GSN: variants seen among roughly 807,000 people sequenced by gnomAD.
The protein encoded by GSN is gelsolin, also known as actin-depolymerizing factor.
In GSN, 56 loss-of-function variants were observed where a neutral mutation model predicts 85.7. That is an observed-to-expected ratio of 0.65 (90% CI 0.53 to 0.82). GSN has a LOEUF of 0.82. Ranked by LOEUF, GSN falls within the 40% of genes least tolerant of loss-of-function variation. The pLI is 0.00. For synonymous variants in GSN, 373 were observed against 399.1 expected (o/e 0.93, Z 0.78); for missense variants, 857 against 979.8 (o/e 0.87, Z 1.67).
At chr9:121,293,578 G>A (rs551200276) in intron 2 of GSN, among the ~76,000 whole-genome samples, 13 of 151,530 alleles carry the variant, frequency 8.6e-5, no homozygotes, top group African/African-American at 2.9e-4. Context: ...GTAAAACCCC[G>A]TCTCTACTAA....
At chr9:121,256,416 A>G (rs1028776478) in intron 6 of GSN, among the ~76,000 whole-genome samples, 1 of 152,220 alleles carries the variant, frequency 6.6e-6, no homozygotes, top group Non-Finnish European at 1.5e-5. Flanking sequence ...GTTAAGTGAA[A>G]TAAGCCAGGC....
intron 13 of GSN, 90 bp downstream of exon 13, chr9:121,326,772 C>T (rs2133882676): frequency 8.7e-7 from 1 of 1,154,388 alleles, no homozygotes; most frequent in South Asian, 1.2e-5. Flanking sequence ...GGAACGGGGG[C>T]AGGGGATGGT....
chr9:121,289,397 G>T (rs2058467096), intron 2 of GSN, among the ~76,000 whole-genome samples: 1 of 152,130 alleles, frequency 6.6e-6, no homozygotes, highest in Admixed American at 6.5e-5. Flanking sequence ...TGAAAGCCGG[G>T]TAATTTTCCT....
At chr9:121,251,065 A>G (rs2054820104) in intron 6 of GSN, among the ~76,000 whole-genome samples, 2 of 151,162 alleles carry the variant, frequency 1.3e-5, no homozygotes, top group African/African-American at 2.4e-5. Context: ...AGCTCTAGCT[A>G]TCCTCCTGCC....
chr9:121,321,219 G>A, intron 10 of GSN, 49 bp from the exon 11 acceptor site: 1 of 1,603,710 alleles, frequency 6.2e-7, no homozygotes, highest in Non-Finnish European at 8.5e-7. Context: ...TGCCTGAGCT[G>A]GGGGGTGGGG....
intron 4 of GSN, among the ~76,000 whole-genome samples, chr9:121,226,095 C>T (rs1333747355): frequency 2.6e-5 from 4 of 152,200 alleles, no homozygotes; most frequent in African/African-American, 4.8e-5. Context: ...TGAGCCACTG[C>T]GCCCGGCAGA....
At chr9:121,242,992 A>C (rs139745482) in intron 5 of GSN, among the ~76,000 whole-genome samples, 1 of 152,200 alleles carries the variant, frequency 6.6e-6, no homozygotes, top group Non-Finnish European at 1.5e-5. Context: ...TGGAGGGTAC[A>C]TTAGTTTCCT....
chr9:121,329,944 T>TGG lies in GSN; in HGVS notation c.1965+629_1965+630insGG, dbSNP rs1462630642. Among the ~76,000 whole-genome samples, 1 of 152,208 alleles carries TGG rather than the reference T, an allele frequency of 6.6e-6. No individual in the cohort carries two copies. The highest frequency in any genetic ancestry group is 2.4e-5 in the African/African-American group (1 of 41,436). On this transcript the variant is annotated intron_variant, in intron 16 of 17. Transcript: ENST00000432226. The surrounding 1 kb of genome is among the most constrained non-coding windows in gnomAD (Gnocchi z 4.6). ...CACAGGGGTGTCAGGTCAGTCACCT[T>TGG]TCCTATCAAGGTGGCTTCTCCCAGA...
intron 3 of GSN, 76 bp downstream of exon 3, chr9:121,302,243 G>A (rs2059960646): frequency 2.0e-6 from 3 of 1,490,656 alleles, no homozygotes; most frequent in South Asian, 1.1e-5. Context: ...TGGTCCCCAG[G>A]GAGGGAACTG....
chr9:121,318,627 G>A lies in GSN; in HGVS notation c.976-38G>A. On this transcript the variant is annotated intron_variant, in intron 9 of 17. Coordinates refer to ENST00000432226, the MANE Select transcript of GSN (RefSeq NM_198252.3). This position sits in a 1 kb window ranked among gnomAD's most constrained non-coding sequence, Gnocchi z 4.3. ...CTCCCCTGGGGACCCCTGCTGGGCA[G>A]CCCAGCCACATCCTGCTCCTCTGCC... is the stretch of plus-strand genomic sequence containing the variant. 1 of 1,553,648 alleles carries A rather than the reference G, an allele frequency of 6.4e-7. No individual in the cohort carries two copies. Among genetic ancestry groups the A allele is most frequent in the East Asian group, 2.2e-5 (1 of 44,496 alleles).
chr9:121,224,886 A>G (rs2054244842), intron 4 of GSN, among the ~76,000 whole-genome samples: 1 of 152,176 alleles, frequency 6.6e-6, no homozygotes, highest in Admixed American at 6.5e-5. Flanking sequence ...CAGCACAATC[A>G]TGGCTCACTG....
At chr9:121,306,352 GTT>G (rs1386845295) in intron 4 of GSN, among the ~76,000 whole-genome samples, 1 of 152,192 alleles carries the variant, frequency 6.6e-6, no homozygotes, top group African/African-American at 2.4e-5. Context: ...TTTAGAAACA[GTT>G]TAACTTTTGT....
At position 121,234,742 on chromosome 9, in the gene GSN, G is replaced by C. The variant is rs547127455; in HGVS notation, c.-389+3439G>C. ...CTCATACCTGTAATCCGAGCACTTTGGGAGGCCAAGGCTGGAAGATCGCTT... is the reference window on the plus strand; with the variant it reads ...CTCATACCTGTAATCCGAGCACTTTCGGAGGCCAAGGCTGGAAGATCGCTT... On this transcript the variant is annotated intron_variant, in intron 5 of 24. Transcript: ENST00000373823. 3.3e-5 allele frequency among the ~76,000 whole-genome samples: 5 copies of C among 152,340 alleles called. No individual in the cohort carries two copies. The South Asian group carries it at 1.0e-3, about 32-fold the overall frequency.
chr9:121,211,334 A>C (rs2053964783), intron 4 of GSN, among the ~76,000 whole-genome samples: 1 of 152,234 alleles, frequency 6.6e-6, no homozygotes, highest in African/African-American at 2.4e-5. Context: ...TATTATCTAT[A>C]TTTTACCACA....
intron 12 of GSN, 74 bp downstream of exon 12, chr9:121,324,718 C>T: frequency 1.3e-6 from 1 of 750,228 alleles, no homozygotes; most frequent in Non-Finnish European, 2.3e-6. Flanking sequence ...GTCTGACTCT[C>T]ATCCATCCAT....
At chr9:121,254,667 C>G (rs911588346) in intron 6 of GSN, among the ~76,000 whole-genome samples, 14 of 152,208 alleles carry the variant, frequency 9.2e-5, no homozygotes, top group Non-Finnish European at 1.9e-4. Context: ...AATTCTTCTG[C>G]TAGCCCTTTT....
intron 2 of GSN, chr9:121,282,635 A>G (rs2057525466): frequency 1.6e-6 from 1 of 621,096 alleles, no homozygotes; most frequent in South Asian, 8.3e-5. Flanking sequence ...CAGAAAGCTG[A>G]CTCACCCCAT....
chr9:121,321,778 T>C (rs1331733395), intron 11 of GSN, among the ~76,000 whole-genome samples: 1 of 152,164 alleles, frequency 6.6e-6, no homozygotes, highest in Non-Finnish European at 1.5e-5. Context: ...GTTTTTCTCT[T>C]GTTGCCTAGG....
At chr9:121,271,706 C>T (rs2055994565) in intron 1 of GSN, among the ~76,000 whole-genome samples, 1 of 152,208 alleles carries the variant, frequency 6.6e-6, no homozygotes, top group South Asian at 2.1e-4. Flanking sequence ...CTCAGCCCTG[C>T]AGCAGAGAGG....
Sources: gnomAD v4.1 joint callset for allele counts (sites outside exome capture counted in the v4.1 genomes callset) on GRCh38, gnomAD v4.1.1 for gene constraint, Gnocchi (gnomAD v3.1) non-coding constraint, MANE v1.5 for transcripts, NCBI Gene and HGNC (gene_info 2026-07-23, HGNC 2026-07-21) for gene names.